Variants in PTDSS1 observed in about 807,000 individuals in gnomAD.
The protein encoded by PTDSS1 is phosphatidylserine synthase 1.
In PTDSS1, 45 loss-of-function variants were observed where a neutral mutation model predicts 70.5. The observed-to-expected ratio is 0.64, with a 90% CI of 0.50 to 0.82. The LOEUF (loss-of-function observed/expected upper bound fraction) is 0.82, where lower values mean the gene tolerates loss of function less well. Ranked by LOEUF, PTDSS1 falls within the 40% of genes least tolerant of loss-of-function variation. The pLI is 0.00. For synonymous variants in PTDSS1, 188 were observed against 203.8 expected, an observed-to-expected ratio of 0.92 and a Z score of 0.66; for missense variants, 417 against 586.1, an observed-to-expected ratio of 0.71 and a Z score of 2.98.
intron 6 of PTDSS1, among the ~76,000 whole-genome samples, chr8:96,300,657 TTACTC>T (rs1215236466): frequency 6.6e-6 from 1 of 152,246 alleles, no homozygotes; most frequent in Non-Finnish European, 1.5e-5. Context: ...AAAACTTTGT[TTACTC>T]TATATAACAA....
intron 7 of PTDSS1, among the ~76,000 whole-genome samples, chr8:96,305,410 C>T (rs150848985): frequency 6.6e-6 from 1 of 152,280 alleles, no homozygotes; most frequent in Non-Finnish European, 1.5e-5. Flanking sequence ...GCACAGTGAC[C>T]GTTCCATAAT....
At chr8:96,301,450 A>G (rs1234950699) in intron 6 of PTDSS1, among the ~76,000 whole-genome samples, 1 of 152,026 alleles carries the variant, frequency 6.6e-6, no homozygotes, top group Non-Finnish European at 1.5e-5. Context: ...CATCAAAAAT[A>G]CTGTTAATCT....
rs550109128 is a variant in PTDSS1, at chr8:96,302,077, G to C, written c.753-1963G>C. Among the ~76,000 whole-genome samples the C allele has an allele frequency of 7.2e-5, 11 of 152,160 alleles. No individual in the cohort carries two copies. In the South Asian group the frequency reaches 1.9e-3, roughly 26 times the overall value. On this transcript the variant is annotated intron_variant, in intron 6 of 12. Coordinates refer to ENST00000517309, the MANE Select transcript of PTDSS1 (RefSeq NM_014754.3). ...TCTGTCACCCAGGCTGGAGTGCAGT[G>C]GTGCAATCTCAACTCACTGCAGTCT...
In PTDSS1 at chr8:96,322,257, T is replaced by C. The variant is rs183991007; in HGVS notation, c.1173+1912T>C. Among the ~76,000 whole-genome samples, 23 of 152,340 alleles carry C rather than the reference T, an allele frequency of 1.5e-4. No homozygotes were observed. In the East Asian group the frequency reaches 3.5e-3, roughly 23 times the overall value. On this transcript the variant is annotated intron_variant, in intron 10 of 12. Coordinates refer to ENST00000517309, the MANE Select transcript of PTDSS1 (RefSeq NM_014754.3). ...CTCTGGTCCCTGTCTTAGTCCATTT[T>C]CTGTTGCTATAACAGAATACCATGG...
chr8:96,322,217 T>C (rs1309171198), intron 10 of PTDSS1, among the ~76,000 whole-genome samples: 3 of 152,220 alleles, frequency 2.0e-5, no homozygotes, highest in Non-Finnish European at 4.4e-5. Context: ...TCAGGCCACC[T>C]ACCCAGGCAG....
At chr8:96,305,970 C>G (rs1047451939) in intron 7 of PTDSS1, among the ~76,000 whole-genome samples, 39 of 152,162 alleles carry the variant, frequency 2.6e-4, no homozygotes, top group African/African-American at 9.2e-4. Flanking sequence ...CATGAGCCAC[C>G]GTGCATGGCC....
chr8:96,281,117 A>C (rs1192293894), intron 2 of PTDSS1, among the ~76,000 whole-genome samples: 1 of 152,198 alleles, frequency 6.6e-6, no homozygotes, highest in Admixed American at 6.5e-5. Flanking sequence ...GCCAGGTGCA[A>C]GTAACCTAGT....
intron 10 of PTDSS1, among the ~76,000 whole-genome samples, chr8:96,326,607 C>T (rs28368495): frequency 0.38 from 57,887 of 152,012 alleles, 11,816 homozygotes; most frequent in East Asian, 0.6. Context: ...AAGGTGGTGA[C>T]CTGTTTGAGG....
chr8:96,299,379 T>A (rs1461151828), intron 5 of PTDSS1, among the ~76,000 whole-genome samples: 1 of 152,214 alleles, frequency 6.6e-6, no homozygotes, highest in Non-Finnish European at 1.5e-5. Context: ...TCCCAGATCC[T>A]TGTCATGTTG....
intron 9 of PTDSS1, among the ~76,000 whole-genome samples, chr8:96,316,831 A>T (rs1006914087): frequency 3.3e-5 from 5 of 151,970 alleles, no homozygotes; most frequent in Non-Finnish European, 7.4e-5. Flanking sequence ...CATCTCTACT[A>T]AAAATACAAA....
intron 2 of PTDSS1, chr8:96,283,625 A>ACG (rs1810776381): frequency 1.3e-5 from 2 of 153,414 alleles, no homozygotes; most frequent in African/African-American, 4.8e-5. Context: ...TCACACACAC[A>ACG]CACACACACC....
At chr8:96,305,642 C>T (rs1290580041) in intron 7 of PTDSS1, among the ~76,000 whole-genome samples, 1 of 152,180 alleles carries the variant, frequency 6.6e-6, no homozygotes, top group Non-Finnish European at 1.5e-5. Context: ...GTGTGCTGCA[C>T]GAGTCCATCG....
intron 5 of PTDSS1, 30 bp downstream of exon 5, chr8:96,295,286 G>T (rs1810959655): frequency 1.3e-6 from 2 of 1,598,164 alleles, no homozygotes; most frequent in Admixed American, 1.7e-5. Flanking sequence ...GGGTTCCCCA[G>T]ACTGTGCCAT....
At chr8:96,308,179 C>T (rs938484676) in intron 8 of PTDSS1, among the ~76,000 whole-genome samples, 1 of 152,148 alleles carries the variant, frequency 6.6e-6, no homozygotes, top group African/African-American at 2.4e-5. Flanking sequence ...GACTTTCACA[C>T]GAATCTGCTT....
At chr8:96,321,758 G>A (rs1285790970) in intron 10 of PTDSS1, among the ~76,000 whole-genome samples, 2 of 151,858 alleles carry the variant, frequency 1.3e-5, no homozygotes, top group Non-Finnish European at 2.9e-5. Context: ...CTATTTTTAG[G>A]GTTACTTGTT....
rs1042721832 is a variant in PTDSS1 at position 96,295,551 on chromosome 8, G to A, written c.600+295G>A. On this transcript the variant is annotated intron_variant, in intron 5 of 12. Transcript: ENST00000517309. ...AAATTCCAAGTAAGACAAATAAATG[G>A]GAATGAGGAGACCTGCTTAGAATTC... Among the ~76,000 whole-genome samples, 6 of 152,092 alleles carry A rather than the reference G, an allele frequency of 3.9e-5. No homozygotes were observed. In the South Asian group the frequency reaches 8.3e-4, roughly 21 times the overall value.
chr8:96,302,847 G>T (rs1341034295), intron 6 of PTDSS1, among the ~76,000 whole-genome samples: 1 of 152,166 alleles, frequency 6.6e-6, no homozygotes. Flanking sequence ...CTCCCAAAGT[G>T]CTGGGATTAG....
rs1172078283 is a variant in PTDSS1 at position 96,262,672 on chromosome 8, A to G, written c.179+453A>G. 5.9e-5 allele frequency among the ~76,000 whole-genome samples: 9 copies of G among 152,218 alleles called. No homozygotes were observed. In the East Asian group the frequency reaches 1.7e-3, roughly 29 times the overall value. On this transcript the variant is annotated intron_variant, in intron 1 of 12. Coordinates refer to ENST00000517309, the MANE Select transcript of PTDSS1 (RefSeq NM_014754.3). This position sits in a 1 kb window ranked among gnomAD's most constrained non-coding sequence, Gnocchi z 4.4. Reference sequence around the variant, plus strand: ...AATCCACAGCGCCTGCAGGCACCATACACAGGCCCAGGACACAACCTAGAT... The same window carrying G: ...AATCCACAGCGCCTGCAGGCACCATGCACAGGCCCAGGACACAACCTAGAT...
chr8:96,274,156 T>A (rs1810607052), intron 2 of PTDSS1, among the ~76,000 whole-genome samples: 1 of 151,998 alleles, frequency 6.6e-6, no homozygotes, highest in Non-Finnish European at 1.5e-5. Context: ...TTTTTTTTTT[T>A]AACACCTATG....
Sources: gnomAD v4.1 joint callset for allele counts (sites outside exome capture counted in the v4.1 genomes callset) on GRCh38, gnomAD v4.1.1 for gene constraint, Gnocchi (gnomAD v3.1) non-coding constraint, MANE v1.5 for transcripts, NCBI Gene and HGNC (gene_info 2026-07-23, HGNC 2026-07-21) for gene names.